The following TIAM1 variants were observed in gnomAD, a reference collection of about 807,000 sequenced individuals.
TIAM1 encodes the protein TIAM Rac1 associated GEF 1, also known as rho guanine nucleotide exchange factor TIAM1.
TIAM1 carries 65 observed loss-of-function variants against 163.5 expected under a neutral mutation model. The observed-to-expected ratio is 0.40, with a 90% confidence interval of 0.33 to 0.49. The LOEUF (loss-of-function observed/expected upper bound fraction) is 0.49, where lower values mean the gene tolerates loss of function less well. TIAM1 is among the 20% of genes least tolerant of loss of function. The pLI, the probability that TIAM1 is intolerant of heterozygous loss-of-function variation, is 0.77. For synonymous variants in TIAM1, 833 were observed against 810.1 expected, an observed-to-expected ratio of 1.03 and a Z score of -0.48; for missense variants, 1,789 against 2,044.7, an observed-to-expected ratio of 0.87 and a Z score of 2.41.
chr21:31,122,778 T>C lies in TIAM1; in HGVS notation c.4306+1744A>G, dbSNP rs573536365. ...CCTGAGTATTCAAGACAAAGCAAAA[T>C]GAAGCATGAGTATCTGTTCCTAGTA... On this transcript the variant is annotated intron_variant, in intron 27 of 27. Transcript: ENST00000541036. 4.6e-5 allele frequency among the ~76,000 whole-genome samples: 7 copies of C among 152,272 alleles called. No individual in the cohort carries two copies. The South Asian group carries it at 1.5e-3, about 32-fold the overall frequency.
chr21:31,252,767 T>A (rs542520131), intron 4 of TIAM1, among the ~76,000 whole-genome samples: 1 of 152,328 alleles, frequency 6.6e-6, no homozygotes, highest in Non-Finnish European at 1.5e-5. Context: ...CGGCTCCGTG[T>A]TCCAGGAGCA....
At chr21:31,315,332 G>C (rs567444977) in intron 2 of TIAM1, among the ~76,000 whole-genome samples, 2 of 152,162 alleles carry the variant, frequency 1.3e-5, no homozygotes, top group Admixed American at 1.3e-4. Flanking sequence ...GGCTAACACG[G>C]TGAAACCCCT....
chr21:31,419,586 C>T (rs773039779), intron 2 of TIAM1, among the ~76,000 whole-genome samples: 5 of 152,092 alleles, frequency 3.3e-5, no homozygotes, highest in African/African-American at 7.2e-5. Flanking sequence ...GCATTAGATG[C>T]GTTTAACAGT....
At chr21:31,286,782 T>C (rs1013277458) in intron 2 of TIAM1, among the ~76,000 whole-genome samples, 1 of 152,076 alleles carries the variant, frequency 6.6e-6, no homozygotes, top group Non-Finnish European at 1.5e-5. Flanking sequence ...AAAATACAGA[T>C]GATTCTTTTG....
chr21:31,235,814 A>C (rs1569082080), intron 6 of TIAM1, among the ~76,000 whole-genome samples: 1 of 152,238 alleles, frequency 6.6e-6, no homozygotes, highest in African/African-American at 2.4e-5. Flanking sequence ...CTCAACCACA[A>C]TTATACCTCT....
intron 2 of TIAM1, among the ~76,000 whole-genome samples, chr21:31,280,418 T>G (rs1426680705): frequency 2.0e-5 from 3 of 152,200 alleles, no homozygotes; most frequent in Non-Finnish European, 4.4e-5. Context: ...GCCTTCCTCC[T>G]TGATTGTGAG....
chr21:31,497,806 C>T lies in TIAM1; in HGVS notation c.-421-33771G>A, dbSNP rs374451174. The stretch of plus-strand genomic sequence containing the variant: ...GCTGCCCAGATGTCACCTCATGAGC[C>T]ACTGTGCTTGGAGAGTTGCCTGTTT... On this transcript the variant is annotated intron_variant, in intron 1 of 28. Coordinates refer to the TIAM1 transcript ENST00000286827. 1.2e-4 allele frequency among the ~76,000 whole-genome samples: 18 copies of T among 152,322 alleles called. No individual in the cohort carries two copies. In the East Asian group the frequency reaches 3.5e-3, roughly 29 times the overall value.
At chr21:31,553,125 C>G (rs529283964) in intron 1 of TIAM1, among the ~76,000 whole-genome samples, 66 of 152,256 alleles carry the variant, frequency 4.3e-4, no homozygotes, top group South Asian at 1.2e-3. Flanking sequence ...ACTTGGGACA[C>G]AGGATTCTGA....
chr21:31,211,439 G>A (rs2146568563), intron 10 of TIAM1, among the ~76,000 whole-genome samples: 1 of 152,264 alleles, frequency 6.6e-6, no homozygotes, highest in South Asian at 2.1e-4. Flanking sequence ...TTATAACCAG[G>A]CCACTAGTTG....
chr21:31,312,375 T>C (rs1173410682), intron 2 of TIAM1, among the ~76,000 whole-genome samples: 2 of 152,100 alleles, frequency 1.3e-5, no homozygotes, highest in Admixed American at 1.3e-4. Context: ...ATAATACTGG[T>C]CTTGGAAGGG....
intron 5 of TIAM1, among the ~76,000 whole-genome samples, chr21:31,249,944 G>A (rs771280134): frequency 1.3e-5 from 2 of 152,068 alleles, no homozygotes; most frequent in Non-Finnish European, 1.5e-5. Context: ...CCAAAAGTTG[G>A]AGATGAGCCT....
At chr21:31,127,679 G>C (rs2082261058) in intron 25 of TIAM1, among the ~76,000 whole-genome samples, 1 of 152,204 alleles carries the variant, frequency 6.6e-6, no homozygotes. Flanking sequence ...GCCTCCCAAA[G>C]TGCTGGGATT....
Position 31,445,179 on chromosome 21 carries a change from T to C in TIAM1, c.-369+18804A>G, listed in dbSNP as rs2044576882. On this transcript the variant is annotated intron_variant, in intron 2 of 28. Transcript: ENST00000286827. ...TCGCAGGCTAATGTGAGAAACAGTCTATGATGATGAGTGAATCTTGACTTT... is the reference window on the plus strand; with the variant it reads ...TCGCAGGCTAATGTGAGAAACAGTCCATGATGATGAGTGAATCTTGACTTT... Among the ~76,000 whole-genome samples, 3 of 152,118 alleles carry C rather than the reference T, an allele frequency of 2.0e-5. No individual in the cohort carries two copies. The South Asian group carries it at 6.2e-4, about 32-fold the overall frequency.
intron 2 of TIAM1, among the ~76,000 whole-genome samples, chr21:31,410,597 C>T (rs895833714): frequency 3.3e-5 from 5 of 151,696 alleles, no homozygotes; most frequent in Admixed American, 2.6e-4. Context: ...GTGTATGAGA[C>T]TGTGTGAGAG....
At chr21:31,282,877 G>T (rs918298307) in intron 2 of TIAM1, among the ~76,000 whole-genome samples, 1 of 152,168 alleles carries the variant, frequency 6.6e-6, no homozygotes, top group African/African-American at 2.4e-5. Flanking sequence ...CCTAGTTTTG[G>T]GCAATGTTAC....
At chr21:31,421,369 G>A (rs777670202) in intron 2 of TIAM1, among the ~76,000 whole-genome samples, 4 of 152,094 alleles carry the variant, frequency 2.6e-5, no homozygotes, top group Non-Finnish European at 4.4e-5. Context: ...CCTAACCCTC[G>A]GGCTGCTGAC....
At chr21:31,216,794 C>T (rs1182022970) in intron 9 of TIAM1, among the ~76,000 whole-genome samples, 1 of 152,108 alleles carries the variant, frequency 6.6e-6, no homozygotes, top group African/African-American at 2.4e-5. Flanking sequence ...GGATTCCTGT[C>T]TCCTCATTCC....
chr21:31,292,720 G>A (rs1353661159), intron 2 of TIAM1, among the ~76,000 whole-genome samples: 1 of 148,816 alleles, frequency 6.7e-6, no homozygotes, highest in African/African-American at 2.5e-5. Context: ...CCAGGCTGGA[G>A]TGCAACGCGG....
chr21:31,423,864 G>T (rs866701617), intron 2 of TIAM1, among the ~76,000 whole-genome samples: 17 of 72,116 alleles, frequency 2.4e-4, no homozygotes, highest in African/African-American at 1.4e-3. Context: ...CGGGGGGGGC[G>T]GGGGGGGGGT....
Sources: gnomAD v4.1 joint callset for allele counts (sites outside exome capture counted in the v4.1 genomes callset) on GRCh38, gnomAD v4.1.1 for gene constraint, MANE v1.5 for transcripts, NCBI Gene and HGNC (gene_info 2026-07-23, HGNC 2026-07-21) for gene names.